Variants in WDPCP observed in about 807,000 individuals in gnomAD.
The protein encoded by WDPCP is WD repeat-containing and planar cell polarity effector protein fritz homolog.
A neutral mutation model predicts 93.1 loss-of-function variants in WDPCP; 71 were observed. The observed-to-expected ratio is 0.76, with a 90% CI of 0.63 to 0.93. WDPCP has a LOEUF of 0.93. Among genes scored for constraint, WDPCP ranks in the 40% least tolerant of loss-of-function variants. The pLI is 0.00. For missense variants in WDPCP, 844 were observed against 887.4 expected (o/e 0.95, Z 0.62); for synonymous variants, 315 against 315.0 (o/e 1.00, Z 0.00).
intron 2 of WDPCP, among the ~76,000 whole-genome samples, chr2:63,809,175 T>C (rs1449637477): frequency 1.4e-5 from 2 of 139,554 alleles, no homozygotes; most frequent in African/African-American, 2.8e-5. Flanking sequence ...GTGAGGAGCG[T>C]CTCCGCCCGG....
At chr2:63,304,704 T>G (rs1432952306) in intron 13 of WDPCP, among the ~76,000 whole-genome samples, 2 of 149,642 alleles carry the variant, frequency 1.3e-5, no homozygotes, top group Non-Finnish European at 3.0e-5. Context: ...GCTGCAGGAG[T>G]TTTTTTTCAT....
chr2:63,595,556 T>G (rs1205554364), intron 3 of WDPCP: 2 of 1,284,244 alleles, frequency 1.6e-6, no homozygotes, highest in African/African-American at 2.9e-5. Flanking sequence ...TTATGGTATT[T>G]GATTTCTTAC....
At chr2:63,744,840 A>G (rs532904920) in intron 2 of WDPCP, among the ~76,000 whole-genome samples, 1 of 151,912 alleles carries the variant, frequency 6.6e-6, no homozygotes, top group Non-Finnish European at 1.5e-5. Flanking sequence ...TCCTGCACAA[A>G]TAGTTTCACC....
intron 2 of WDPCP, among the ~76,000 whole-genome samples, chr2:63,767,798 C>T (rs1415879878): frequency 6.6e-6 from 1 of 151,990 alleles, no homozygotes; most frequent in Non-Finnish European, 1.5e-5. Context: ...GCTTTTCACT[C>T]TCTTTGGTGT....
chr2:63,353,935 G>A (rs1689818172), intron 12 of WDPCP, among the ~76,000 whole-genome samples: 1 of 152,116 alleles, frequency 6.6e-6, no homozygotes, highest in South Asian at 2.1e-4. Context: ...TCACTGGGCA[G>A]GTCCTCCAGG....
intron 14 of WDPCP, among the ~76,000 whole-genome samples, chr2:63,179,523 AT>A (rs776613958): frequency 1.3e-4 from 19 of 151,402 alleles, no homozygotes; most frequent in Middle Eastern, 3.4e-3. Flanking sequence ...TGCTCTTCCC[AT>A]TTCACCTTCT....
At chr2:63,156,901 C>G (rs1458927398) in intron 15 of WDPCP, among the ~76,000 whole-genome samples, 1 of 152,108 alleles carries the variant, frequency 6.6e-6, no homozygotes, top group African/African-American at 2.4e-5. Context: ...TAAAAGTGGA[C>G]ATTTTTACCA....
upstream of WDPCP, chr2:63,593,538 C>T (rs1363562993): frequency 2.8e-4 from 132 of 470,936 alleles, 3 homozygotes; most frequent in South Asian, 1.7e-3. Context: ...GTCTCAGAGA[C>T]GTGACTCTCA....
chr2:63,681,470 G>A (rs750337892), intron 2 of WDPCP, among the ~76,000 whole-genome samples: 8 of 152,288 alleles, frequency 5.3e-5, no homozygotes, highest in African/African-American at 9.6e-5. Context: ...TTGGAAAGGG[G>A]TAGGAAGAGT....
At chr2:63,479,882 G>A (rs1456962053) in intron 6 of WDPCP, among the ~76,000 whole-genome samples, 1 of 152,100 alleles carries the variant, frequency 6.6e-6, no homozygotes, top group Non-Finnish European at 1.5e-5. Context: ...CTCAGCCAGA[G>A]CAATCAGACA....
intron 6 of WDPCP, chr2:63,442,356 G>A (rs1162335410): frequency 6.6e-6 from 1 of 152,146 alleles, no homozygotes; most frequent in Non-Finnish European, 1.5e-5. Context: ...CTGGCACACA[G>A]TGTTTGCAAT....
chr2:63,388,281 A>G (rs1692916153), intron 10 of WDPCP, among the ~76,000 whole-genome samples: 1 of 152,296 alleles, frequency 6.6e-6, no homozygotes, highest in African/African-American at 2.4e-5. Flanking sequence ...GACCTCCAGC[A>G]AACTCCAACA....
intron 17 of WDPCP, among the ~76,000 whole-genome samples, chr2:63,136,165 ACT>A (rs1172352574): frequency 1.3e-5 from 2 of 151,820 alleles, no homozygotes; most frequent in African/African-American, 2.4e-5. Flanking sequence ...TACTTGAATT[ACT>A]CTCTCTCTCT....
intron 14 of WDPCP, among the ~76,000 whole-genome samples, chr2:63,240,019 A>G (rs1438040695): frequency 6.6e-6 from 1 of 152,086 alleles, no homozygotes; most frequent in Non-Finnish European, 1.5e-5. Context: ...GTCATATCTA[A>G]TCACATGCAT....
chr2:63,545,011 C>T (rs1230221222), intron 1 of WDPCP, among the ~76,000 whole-genome samples: 1 of 152,086 alleles, frequency 6.6e-6, no homozygotes, highest in East Asian at 1.9e-4. Context: ...ACTAAGAATT[C>T]ATAAAGTAAG....
chr2:63,146,942 C>G (rs2103764384), intron 17 of WDPCP, among the ~76,000 whole-genome samples: 1 of 152,290 alleles, frequency 6.6e-6, no homozygotes, highest in Admixed American at 6.5e-5. Flanking sequence ...ATATTTAAAA[C>G]TTTTCATAAT....
At chr2:63,697,853 G>A (rs1668981490) in intron 2 of WDPCP, among the ~76,000 whole-genome samples, 1 of 151,962 alleles carries the variant, frequency 6.6e-6, no homozygotes, top group Non-Finnish European at 1.5e-5. Flanking sequence ...TTGCCATGTT[G>A]CCCAGGCTGG....
chr2:63,133,235 T>A (rs182486513), intron 17 of WDPCP, among the ~76,000 whole-genome samples: 8 of 152,322 alleles, frequency 5.3e-5, no homozygotes, highest in African/African-American at 1.7e-4. Context: ...TGTCTCCACC[T>A]ATAATCTTTT....
intron 13 of WDPCP, among the ~76,000 whole-genome samples, chr2:63,283,655 A>T (rs1683745032): frequency 6.6e-6 from 1 of 152,210 alleles, no homozygotes; most frequent in Non-Finnish European, 1.5e-5. Context: ...CTCTTTCTCC[A>T]ATACAATAAC....
Sources: gnomAD v4.1 joint callset for allele counts (sites outside exome capture counted in the v4.1 genomes callset) on GRCh38, gnomAD v4.1.1 for gene constraint, MANE v1.5 for transcripts, NCBI Gene and HGNC (gene_info 2026-07-23, HGNC 2026-07-21) for gene names.